KATNIP: variants seen among roughly 807,000 people sequenced by gnomAD.
KATNIP encodes the protein katanin-interacting protein.
A neutral mutation model predicts 174.0 loss-of-function variants in KATNIP; 126 were observed. The observed-to-expected ratio is 0.72, with a 90% CI of 0.63 to 0.84. The LOEUF is 0.84. Ranked by LOEUF, KATNIP falls within the 40% of genes least tolerant of loss-of-function variation. The pLI is 0.00. For missense variants in KATNIP, 1,958 were observed against 2,109.7 expected, an observed-to-expected ratio of 0.93 and a Z score of 1.41; for synonymous variants, 810 against 835.7, an observed-to-expected ratio of 0.97 and a Z score of 0.53.
chr16:27,666,566 C>T (rs1465822288), intron 6 of KATNIP, among the ~76,000 whole-genome samples: 1 of 151,984 alleles, frequency 6.6e-6, no homozygotes, highest in African/African-American at 2.4e-5. Context: ...TACAGGTGTC[C>T]ACCACCACAC....
rs557723466 is a variant in KATNIP at position 27,569,671 on chromosome 16, C to A, written c.8-4230C>A. ...CAGTGTAATCTGGTTACAGCACTTC[C>A]ATCCTTGACAGGCAGGAGCTGTCTT... On this transcript the variant is annotated intron_variant, in intron 1 of 27. Coordinates refer to ENST00000261588, the MANE Select transcript of KATNIP (RefSeq NM_015202.5). Among the ~76,000 whole-genome samples the A allele has an allele frequency of 3.3e-5, 5 of 152,320 alleles. No individual in the cohort carries two copies. The East Asian group carries it at 9.6e-4, about 29-fold the overall frequency.
intron 16 of KATNIP, 145 bp downstream of exon 16, chr16:27,750,451 G>C: frequency 1.1e-6 from 1 of 872,800 alleles, no homozygotes; most frequent in Non-Finnish European, 1.7e-6. Flanking sequence ...ACGGAGTCTT[G>C]CTCTGTCCCC....
chr16:27,701,698 A>G lies in KATNIP; in HGVS notation c.1286+3A>G, dbSNP rs2079104475. 3 of 1,589,024 alleles carry G rather than the reference A, an allele frequency of 1.9e-6. No homozygotes were observed. In the East Asian group the frequency reaches 6.8e-5, roughly 36 times the overall value. ...AGAATTGGGCTTCTGGGAAGCAGGT[A>G]CTACTAAGGCTGAGGCCAAACCCGA... is the stretch of plus-strand genomic sequence containing the variant. On this transcript the variant is annotated splice_donor_region_variant and intron_variant, in intron 11 of 27. Transcript: ENST00000261588.
chr16:27,560,754 C>T (rs141929607), intron 1 of KATNIP, among the ~76,000 whole-genome samples: 5 of 152,290 alleles, frequency 3.3e-5, no homozygotes, highest in East Asian at 3.9e-4. Context: ...ATCACAGGGA[C>T]GAGCTCTATG....
intron 3 of KATNIP, 56 bp downstream of exon 3, chr16:27,618,557 A>G: frequency 1.5e-6 from 2 of 1,297,238 alleles, no homozygotes; most frequent in East Asian, 4.6e-5. Context: ...AAATCTATTT[A>G]GATTTATTAA....
chr16:27,775,034 G>C lies in KATNIP; in HGVS notation c.4399G>C (p.Asp1467His). ...AGACAAGCTCATCGACCAAGTGAAC[G>C]ACACCAGTGATGGCCGGCACATGTG... The part of the protein sequence containing the change: ...TPDKLIDQVN[D>H]TSDGRHMWLA... The change falls in exon 24 of 28, where the codon GAC becomes CAC. Residue 1467 changes from aspartate to histidine, a missense_variant. Around this residue, in one of 3 missense-constraint regions of KATNIP, gnomAD observed 383 missense variants for 456.0 expected, o/e 0.84. Transcript: ENST00000261588. 6.2e-7 allele frequency: 1 copy of C among 1,613,464 alleles called. No individual in the cohort carries two copies. Among genetic ancestry groups the C allele is most frequent in the Non-Finnish European group, 8.5e-7 (1 of 1,179,852 alleles).
intron 2 of KATNIP, among the ~76,000 whole-genome samples, chr16:27,616,229 G>A (rs191908673): frequency 1.1e-4 from 16 of 152,252 alleles, no homozygotes; most frequent in Admixed American, 9.8e-4. Context: ...TAAATTAGCT[G>A]GGTGTGGTGG....
At chr16:27,594,102 A>C (rs935690604) in intron 2 of KATNIP, among the ~76,000 whole-genome samples, 1 of 152,060 alleles carries the variant, frequency 6.6e-6, no homozygotes, top group Non-Finnish European at 1.5e-5. Flanking sequence ...AAAAAAAAAA[A>C]ACTAAAAATT....
intron 7 of KATNIP, among the ~76,000 whole-genome samples, chr16:27,680,517 T>C (rs911250346): frequency 6.6e-6 from 1 of 152,142 alleles, no homozygotes; most frequent in African/African-American, 2.4e-5. Flanking sequence ...CTTGACATTT[T>C]TCATGTTTTG....
chr16:27,605,104 AT>A (rs1000562932), intron 2 of KATNIP, among the ~76,000 whole-genome samples: 3 of 151,374 alleles, frequency 2.0e-5, no homozygotes, highest in African/African-American at 4.8e-5. Flanking sequence ...AATTTTTTAT[AT>A]TTTTTTTAGT....
chr16:27,628,949 C>A, intron 4 of KATNIP, 119 bp downstream of exon 4: 1 of 1,029,018 alleles, frequency 9.7e-7, no homozygotes, highest in Non-Finnish European at 1.4e-6. Context: ...GGGTGGATCA[C>A]TTGAGGCCAA....
Position 27,601,251 on chromosome 16 carries a change from C to T in KATNIP, c.64-17174C>T, listed in dbSNP as rs191258961. Among the ~76,000 whole-genome samples the T allele has an allele frequency of 9.2e-4, 140 of 152,272 alleles. 3 individuals are homozygous for T. Among genetic ancestry groups the T allele is most frequent in the Non-Finnish European group, 2.9e-4 (20 of 68,030 alleles). On this transcript the variant is annotated intron_variant, in intron 2 of 27. Coordinates refer to ENST00000261588, the MANE Select transcript of KATNIP (RefSeq NM_015202.5). ...TGAGCAAGCTCGCATTGTCCCTGCT[C>T]TCGTGGGTCTGGCGTCCTGATGGGG...
intron 12 of KATNIP, 47 bp downstream of exon 12, chr16:27,704,045 T>G (rs2079202345): frequency 2.7e-6 from 4 of 1,459,588 alleles, no homozygotes; most frequent in Admixed American, 3.4e-5. Flanking sequence ...GGAAGTTCCC[T>G]CAGAACAGGC....
At chr16:27,651,017 A>G (rs969093626) in intron 6 of KATNIP, among the ~76,000 whole-genome samples, 10 of 152,236 alleles carry the variant, frequency 6.6e-5, no homozygotes, top group Non-Finnish European at 1.3e-4. Flanking sequence ...TTAGCCAAGC[A>G]TAATATGTTA....
intron 14 of KATNIP, among the ~76,000 whole-genome samples, chr16:27,729,285 A>C (rs1437764296): frequency 6.6e-6 from 1 of 152,096 alleles, no homozygotes; most frequent in Non-Finnish European, 1.5e-5. Context: ...GGTAGCCCCC[A>C]ATGGCATCAG....
chr16:27,682,547 T>C (rs1227014794), intron 8 of KATNIP, among the ~76,000 whole-genome samples: 1 of 152,152 alleles, frequency 6.6e-6, no homozygotes, highest in East Asian at 1.9e-4. Flanking sequence ...TCAGTCTCGA[T>C]GTTACCAGGG....
chr16:27,694,456 A>T (rs2078845777), intron 8 of KATNIP, among the ~76,000 whole-genome samples: 3 of 152,130 alleles, frequency 2.0e-5, no homozygotes, highest in Non-Finnish European at 2.9e-5. Context: ...CATTAATACC[A>T]ATCTTTGATA....
intron 17 of KATNIP, among the ~76,000 whole-genome samples, chr16:27,752,994 G>A (rs1268024296): frequency 6.6e-6 from 1 of 152,166 alleles, no homozygotes; most frequent in African/African-American, 2.4e-5. Flanking sequence ...CTGGGCTGTG[G>A]GAAGGTCATG....
intron 3 of KATNIP, among the ~76,000 whole-genome samples, chr16:27,622,761 G>T (rs576668620): frequency 2.6e-5 from 4 of 152,176 alleles, no homozygotes; most frequent in African/African-American, 9.6e-5. Flanking sequence ...ATCACTGGGG[G>T]CCTCACCTGG....
Sources: allele counts gnomAD v4.1 joint callset (sites outside exome capture counted in the v4.1 genomes callset), GRCh38; gene constraint gnomAD v4.1.1; regional missense constraint gnomAD v4.1.1; transcripts MANE v1.5; gene names NCBI Gene and HGNC (gene_info 2026-07-23, HGNC 2026-07-21).